TGM1: variants seen among roughly 807,000 people sequenced by gnomAD.
TGM1 encodes protein-glutamine gamma-glutamyltransferase K.
A neutral mutation model predicts 88.7 loss-of-function variants in TGM1; 63 were observed. The observed-to-expected ratio is 0.71, with a 90% CI of 0.58 to 0.88. The LOEUF (loss-of-function observed/expected upper bound fraction) is 0.88, where lower values mean the gene tolerates loss of function less well. Among genes scored for constraint, TGM1 ranks in the 40% least tolerant of loss-of-function variants. The probability of loss-of-function intolerance (pLI) is 0.00; values close to 1 mark genes in which losing one functional copy is unlikely to be tolerated. For missense variants in TGM1, 996 were observed against 1,118.0 expected (o/e 0.89, Z 1.56); for synonymous variants, 415 against 431.1 (o/e 0.96, Z 0.46).
chr14:24,256,282 A>C (rs1594568765), intron 9 of TGM1, among the ~76,000 whole-genome samples: 1 of 152,216 alleles, frequency 6.6e-6, no homozygotes, highest in Admixed American at 6.5e-5. Context: ...ATGGAAAACA[A>C]AGAGAGAGCG....
At chr14:24,260,377 A>C (rs908929590) in intron 4 of TGM1, 73 bp downstream of exon 4, 2 of 1,602,000 alleles carry the variant, frequency 1.2e-6, no homozygotes, top group African/African-American at 2.7e-5. Flanking sequence ...GCACCCCGCC[A>C]CATCCGAGGG....
At position 24,255,120 on chromosome 14, in the gene TGM1, A is replaced by T. The variant is rs1191737457; in HGVS notation, c.1779T>A (p.Asp593Glu). The T allele has an allele frequency of 6.2e-7, 1 of 1,613,868 alleles. No homozygotes were observed. Among genetic ancestry groups the T allele is most frequent in the Non-Finnish European group, 8.5e-7 (1 of 1,180,022 alleles). The change falls in exon 12 of 15, where the codon GAT becomes GAA. Residue 593 changes from aspartate (D) to glutamate (E), a missense_variant. Transcript: ENST00000206765. The surrounding 1 kb of genome is among the most constrained non-coding windows in gnomAD (Gnocchi z 4.0). ...VEAQDAVMGQ[D>E]LMVSVMLINH... ...TGATCAGCATCACAGAGACCATCAG[A>T]TCCTGCCCCATCACCGCGTCCTGTG...
chr14:24,260,137 G>A, intron 4 of TGM1, 79 bp from the exon 5 acceptor site: 2 of 1,307,862 alleles, frequency 1.5e-6, no homozygotes, highest in Non-Finnish European at 2.2e-6. Flanking sequence ...AGTTCTGCAG[G>A]ACTCATGTCC....
intron 9 of TGM1, 43 bp from the exon 10 acceptor site, chr14:24,256,120 G>A (rs370350774): frequency 2.3e-5 from 34 of 1,493,566 alleles, no homozygotes; most frequent in African/African-American, 8.4e-5. Flanking sequence ...CTGAGAAGGC[G>A]GAGAGGGCTC....
intron 14 of TGM1, among the ~76,000 whole-genome samples, 191 bp downstream of exon 14, chr14:24,253,961 C>T (rs2040721533): frequency 1.3e-5 from 2 of 152,182 alleles, no homozygotes; most frequent in South Asian, 4.1e-4. Flanking sequence ...GCACCAGGTG[C>T]CCAAGAGGTC....
At position 24,249,339 on chromosome 14, in the gene TGM1, G is replaced by A. The variant is rs774542068; in HGVS notation, c.2428C>T (p.Pro810Ser). The change falls in exon 15 of 15, where the codon CCT becomes TCT. Residue 810 changes from proline to serine, a missense_variant. Physicochemically the swap from Pro to Ser is moderately conservative, Grantham distance 74. Transcript: ENST00000206765. ...GGDSHLGETIPMASRGGA is the reference protein window; with the variant it reads ...GGDSHLGETISMASRGGA ...TAAGCTCCACCTCGAGATGCCATAGGGATGGTCTCTCCTAAGTGACTGTCA... is the reference window on the plus strand; with the variant it reads ...TAAGCTCCACCTCGAGATGCCATAGAGATGGTCTCTCCTAAGTGACTGTCA... 6 of 1,613,654 alleles carry A rather than the reference G, an allele frequency of 3.7e-6. No individual in the cohort carries two copies. Among genetic ancestry groups the A allele is most frequent in the Admixed American group, 3.3e-5 (2 of 59,992 alleles).
chr14:24,255,227 C>A lies in TGM1; in HGVS notation c.1672G>T (p.Glu558Ter). The change falls in exon 12 of 15, where the codon GAG becomes TAG. Residue 558 changes from glutamate (E) to a stop codon, truncating the protein, a stop_gained. Coordinates refer to ENST00000206765, the MANE Select transcript of TGM1 (RefSeq NM_000359.3). LOFTEE classifies it high-confidence loss of function. The surrounding 1 kb of genome is among the most constrained non-coding windows in gnomAD (Gnocchi z 4.0). ...TTGCTGCCGTGGGCTGCTGCTGTCT[C>A]TACTGCCTTCCGCTCTGCGTCTGAG... ...EGSDAERKAV[E>*]TAAAHGSKPN... The A allele has an allele frequency of 6.2e-7, 1 of 1,613,854 alleles. No individual in the cohort carries two copies. The highest frequency in any genetic ancestry group is 8.5e-7 in the Non-Finnish European group (1 of 1,180,038).
At position 24,254,195 on chromosome 14, in the gene TGM1, G is replaced by A. The variant is rs1313918160; in HGVS notation, c.2182C>T (p.Leu728Phe). 1 of 1,613,800 alleles carries A rather than the reference G, an allele frequency of 6.2e-7. No individual in the cohort carries two copies. Among genetic ancestry groups the A allele is most frequent in the Non-Finnish European group, 8.5e-7 (1 of 1,179,906 alleles). Residue 728 changes from leucine to phenylalanine, a missense_variant, in exon 14 of 15, where the codon CTC (leucine) becomes TTC (phenylalanine). Coordinates refer to ENST00000206765, the MANE Select transcript of TGM1 (RefSeq NM_000359.3). ...PVTLTNVVFR[L>F]EGSGLQRPKI... Reference sequence around the variant, plus strand: ...GGCCTCTGTAACCCAGAGCCTTCGAGCCGGAAGACGACATTGGTGAGGGTG... The same window carrying A: ...GGCCTCTGTAACCCAGAGCCTTCGAACCGGAAGACGACATTGGTGAGGGTG...
intron 14 of TGM1, among the ~76,000 whole-genome samples, chr14:24,252,544 C>T (rs546686271): frequency 1.5e-4 from 23 of 152,344 alleles, no homozygotes; most frequent in African/African-American, 5.3e-4. Flanking sequence ...CCGGGGGGTT[C>T]AGGCTCTGTT....
intron 7 of TGM1, 122 bp from the exon 8 acceptor site, chr14:24,258,795 C>A: frequency 6.9e-7 from 1 of 1,445,610 alleles, no homozygotes; most frequent in South Asian, 1.3e-5. Context: ...CTGCCAGGGT[C>A]AGGGCCACGG....
rs2040773960 is a variant in TGM1 at position 24,258,272 on chromosome 14, G to A, written c.1402+13C>T. On this transcript the variant is annotated intron_variant, in intron 9 of 14. Coordinates refer to ENST00000206765, the MANE Select transcript of TGM1 (RefSeq NM_000359.3). ...AAGCAGGGGCATGGTGGGGAGTGGG[G>A]GGCCCAGCTTACCACTGCTAGTCTC... The A allele has an allele frequency of 6.2e-7, 1 of 1,604,168 alleles. No individual in the cohort carries two copies. Among genetic ancestry groups the A allele is most frequent in the Non-Finnish European group, 8.5e-7 (1 of 1,171,492 alleles).
chr14:24,262,469 C>T (rs967073065), intron 1 of TGM1, 115 bp from the exon 2 acceptor site: 4 of 1,152,740 alleles, frequency 3.5e-6, no homozygotes, highest in African/African-American at 1.5e-5. Flanking sequence ...ACAATCCCAC[C>T]TTGGCCCAGA....
Position 24,261,776 on chromosome 14 carries a change from G to T in TGM1, c.427C>A (p.Arg143Ser). ...AGGAGCATATGGAAAGGCTGCCCGC[G>T]GCGCACTATCAGCTCGTCGTACTCA... ...EYEYDELIVR[R>S]GQPFHMLLLL... The change falls in exon 3 of 15, where the codon CGC becomes AGC. Residue 143 changes from arginine to serine, a missense_variant. By Grantham distance (110) the Arg-to-Ser change is moderately radical. Transcript: ENST00000206765. 1 of 1,614,094 alleles carries T rather than the reference G, an allele frequency of 6.2e-7. No individual in the cohort carries two copies. The highest frequency in any genetic ancestry group is 8.5e-7 in the Non-Finnish European group (1 of 1,180,020).
In TGM1 at chr14:24,254,692, C is replaced by T. The variant is rs2139018911; in HGVS notation, c.2060G>A (p.Arg687His). ...GQVLAKQHTF[R>H]LRTPDLSLTL... The stretch of plus-strand genomic sequence containing the variant: ...GAGGGAGAGGTCTGGGGTGCGCAGA[C>T]GGAAGGTGTGCTGCTTGGCCAGCAC... Residue 687 changes from arginine to histidine, a missense_variant, in exon 13 of 15, where the codon CGT becomes CAT. Transcript: ENST00000206765. 3.1e-6 allele frequency: 5 copies of T among 1,613,986 alleles called. No homozygotes were observed. Among genetic ancestry groups the T allele is most frequent in the Non-Finnish European group, 4.2e-6 (5 of 1,180,042 alleles).
intron 4 of TGM1, 181 bp from the exon 5 acceptor site, chr14:24,260,239 GC>G: frequency 1.0e-6 from 1 of 968,430 alleles, no homozygotes; most frequent in Non-Finnish European, 1.6e-6. Flanking sequence ...ATTGGCTGTA[GC>G]CAGGGGCCTT....
Position 24,262,309 on chromosome 14 carries a change from T to C in TGM1, c.44A>G (p.Asn15Ser). The C allele has an allele frequency of 1.2e-6, 2 of 1,613,550 alleles. No individual in the cohort carries two copies. The highest frequency in any genetic ancestry group is 1.7e-6 in the Non-Finnish European group (2 of 1,179,988). Residue 15 changes from asparagine to serine, a missense_variant, in exon 2 of 15, where the codon AAC becomes AGC. Transcript: ENST00000206765. ...TGGCGTGGTAGGGGGCTGCAAGGGG[T>C]TGCCACCCCAACGGCCCACATCGGA... ...PRSDVGRWGG[N>S]PLQPPTTPSP...
chr14:24,255,020 T>C lies in TGM1; in HGVS notation c.1879A>G (p.Thr627Ala), dbSNP rs2040736638. 6.2e-7 allele frequency: 1 copy of C among 1,614,032 alleles called. No homozygotes were observed. Among genetic ancestry groups the C allele is most frequent in the Non-Finnish European group, 8.5e-7 (1 of 1,180,022 alleles). The change falls in exon 12 of 15, where the codon ACC (threonine) becomes GCC (alanine). Residue 627 changes from threonine (T) to alanine (A), a missense_variant. Thr to Ala is a moderately conservative substitution (Grantham distance 58, BLOSUM62 0). Coordinates refer to ENST00000206765, the MANE Select transcript of TGM1 (RefSeq NM_000359.3). The surrounding 1 kb of genome is among the most constrained non-coding windows in gnomAD (Gnocchi z 4.0). ...TCCTTCTTGGTCTCCTTGAAGATGG[T>C]ACCACTGACACCAGTATAGAAAGTG... ...SVTFYTGVSG[T>A]IFKETKKEVE...
intron 4 of TGM1, 131 bp from the exon 5 acceptor site, chr14:24,260,189 CTG>C (rs745679181): frequency 1.0e-4 from 99 of 985,730 alleles, no homozygotes; most frequent in Non-Finnish European, 1.4e-4. Context: ...GACAGGACTG[CTG>C]TGGGAGGACA....
chr14:24,254,115 G>A (rs771884418), intron 14 of TGM1, 37 bp downstream of exon 14: 2 of 1,594,510 alleles, frequency 1.3e-6, no homozygotes, highest in South Asian at 1.1e-5. Flanking sequence ...GGGAAGGCCA[G>A]AGTGGAAGCA....
Sources: allele counts gnomAD v4.1 joint callset (sites outside exome capture counted in the v4.1 genomes callset), GRCh38; gene constraint gnomAD v4.1.1; non-coding constraint Gnocchi (gnomAD v3.1); transcripts MANE v1.5; gene names NCBI Gene and HGNC (gene_info 2026-07-23, HGNC 2026-07-21).